Variants in ITPR2 observed in about 807,000 individuals in gnomAD.
ITPR2 encodes the protein inositol 1,4,5-trisphosphate receptor type 2, also known as inositol 1,4,5-trisphosphate-gated calcium channel ITPR2.
A neutral mutation model predicts 317.1 loss-of-function variants in ITPR2; 207 were observed. The observed-to-expected ratio is 0.65, with a 90% CI of 0.58 to 0.73. ITPR2 has a LOEUF of 0.73. Ranked by LOEUF, ITPR2 falls within the 30% of genes least tolerant of loss-of-function variation. The probability of loss-of-function intolerance (pLI) is 0.00; values close to 1 mark genes in which losing one functional copy is unlikely to be tolerated. For synonymous variants in ITPR2, 1,156 were observed against 1,149.1 expected, an observed-to-expected ratio of 1.01 and a Z score of -0.12; for missense variants, 2,613 against 3,284.0, an observed-to-expected ratio of 0.80 and a Z score of 4.99.
At chr12:26,690,436 C>A (rs899312041) in intron 10 of ITPR2, among the ~76,000 whole-genome samples, 7 of 152,086 alleles carry the variant, frequency 4.6e-5, no homozygotes, top group African/African-American at 1.7e-4. Context: ...TCTCCTGCAC[C>A]CCAATATTCT....
intron 13 of ITPR2, among the ~76,000 whole-genome samples, chr12:26,669,707 G>A (rs986273931): frequency 6.7e-6 from 1 of 150,350 alleles, no homozygotes; most frequent in African/African-American, 2.4e-5. Context: ...CAGGTCAGTG[G>A]GTGCAGCGCA....
intron 37 of ITPR2, among the ~76,000 whole-genome samples, chr12:26,524,249 T>C (rs2136945749): frequency 6.6e-6 from 1 of 152,340 alleles, no homozygotes; most frequent in East Asian, 1.9e-4. Flanking sequence ...GTGGGAATGA[T>C]ACATTTCAGA....
intron 51 of ITPR2, among the ~76,000 whole-genome samples, chr12:26,414,119 C>T (rs190897482): frequency 6.6e-6 from 1 of 150,620 alleles, no homozygotes; most frequent in African/African-American, 2.4e-5. Context: ...ACCTGTAAAA[C>T]TCTGGGAAAA....
At chr12:26,618,108 T>C (rs1186054414) in intron 26 of ITPR2, among the ~76,000 whole-genome samples, 1 of 152,168 alleles carries the variant, frequency 6.6e-6, no homozygotes, top group Non-Finnish European at 1.5e-5. Flanking sequence ...CCATAAAGGG[T>C]ATCTATAAAA....
At position 26,726,969 on chromosome 12, in the gene ITPR2, A is replaced by C. The variant is rs1313770152; in HGVS notation, c.164-1204T>G. On this transcript the variant is annotated intron_variant, in intron 2 of 56. Coordinates refer to ENST00000381340, the MANE Select transcript of ITPR2 (RefSeq NM_002223.4). ...GACAAGGTAATAGTAAACTAATCTT[A>C]ATTTCTAGTTTAAAGGGTACTGATA... Among the ~76,000 whole-genome samples, 5 of 152,290 alleles carry C rather than the reference A, an allele frequency of 3.3e-5. No homozygotes were observed. In the East Asian group the frequency reaches 9.7e-4, roughly 29 times the overall value.
At chr12:26,558,957 A>C (rs1414497027) in intron 35 of ITPR2, among the ~76,000 whole-genome samples, 9 of 152,208 alleles carry the variant, frequency 5.9e-5, no homozygotes. Context: ...CAATCATATC[A>C]AAACCAGAGT....
chr12:26,736,077 A>C (rs1352941090), intron 2 of ITPR2, among the ~76,000 whole-genome samples: 1 of 152,212 alleles, frequency 6.6e-6, no homozygotes, highest in African/African-American at 2.4e-5. Context: ...AGTTCCTGCC[A>C]AGTTACCTGA....
At chr12:26,422,771 T>C (rs528280127) in intron 49 of ITPR2, among the ~76,000 whole-genome samples, 1 of 152,336 alleles carries the variant, frequency 6.6e-6, no homozygotes, top group East Asian at 1.9e-4. Context: ...AAACATGACC[T>C]ATTTTACAGG....
At chr12:26,431,565 C>A (rs1941209815) in intron 48 of ITPR2, among the ~76,000 whole-genome samples, 1 of 152,178 alleles carries the variant, frequency 6.6e-6, no homozygotes, top group Non-Finnish European at 1.5e-5. Context: ...TACTCCTGAA[C>A]AAATTGAAAC....
chr12:26,627,629 A>G (rs1022402893), intron 23 of ITPR2, among the ~76,000 whole-genome samples: 5 of 152,176 alleles, frequency 3.3e-5, no homozygotes, highest in African/African-American at 1.2e-4. Context: ...TTTGTCTCGT[A>G]AAAATATGAG....
At chr12:26,551,942 C>T (rs1170183226) in intron 36 of ITPR2, among the ~76,000 whole-genome samples, 1 of 152,208 alleles carries the variant, frequency 6.6e-6, no homozygotes, top group Non-Finnish European at 1.5e-5. Context: ...AACCACTGTT[C>T]TAAAGCACCT....
intron 37 of ITPR2, among the ~76,000 whole-genome samples, chr12:26,512,472 C>A (rs945398263): frequency 1.3e-5 from 2 of 152,170 alleles, no homozygotes; most frequent in African/African-American, 2.4e-5. Context: ...TCTCTACCCA[C>A]CCCCCACATG....
At position 26,802,324 on chromosome 12, in the gene ITPR2, A is replaced by T. The variant is rs1950569088; in HGVS notation, c.93-12097T>A. ...TAAAAAAAAAATAAAAATAATTTTT[A>T]AAAAAGAAAAGTATAGTAGCAGTGA... On this transcript the variant is annotated intron_variant, in intron 1 of 56. Transcript: ENST00000381340. Among the ~76,000 whole-genome samples, 9 of 152,196 alleles carry T rather than the reference A, an allele frequency of 5.9e-5. No homozygotes were observed. The South Asian group carries it at 1.9e-3, about 32-fold the overall frequency.
rs1010984586 is a variant in ITPR2 at position 26,667,176 on chromosome 12, A to G, written c.1410-1125T>C. Among the ~76,000 whole-genome samples, 5 of 152,334 alleles carry G rather than the reference A, an allele frequency of 3.3e-5. No individual in the cohort carries two copies. The South Asian group carries it at 1.0e-3, about 32-fold the overall frequency. ...AAACTACATTTTAAGAGCTTCAACA[A>G]TTCCAGGAAAGTATAGAATGTATTC... On this transcript the variant is annotated intron_variant, in intron 13 of 56. Coordinates refer to ENST00000381340, the MANE Select transcript of ITPR2 (RefSeq NM_002223.4).
At chr12:26,413,845 TG>T (rs1197554117) in intron 51 of ITPR2, among the ~76,000 whole-genome samples, 1 of 152,168 alleles carries the variant, frequency 6.6e-6, no homozygotes, top group Non-Finnish European at 1.5e-5. Flanking sequence ...CATAACACAA[TG>T]ATAACCAAGT....
chr12:26,716,775 C>T (rs1948746552), intron 5 of ITPR2, among the ~76,000 whole-genome samples: 1 of 152,058 alleles, frequency 6.6e-6, no homozygotes, highest in African/African-American at 2.4e-5. Flanking sequence ...TAGGTATGAC[C>T]TTGTAGAAAT....
rs530580864 is a variant in ITPR2 at position 26,670,751 on chromosome 12, C to T, written c.1410-4700G>A. 3.5e-3 allele frequency among the ~76,000 whole-genome samples: 536 copies of T among 152,192 alleles called. 7 individuals carry two copies. The highest frequency in any genetic ancestry group is 4.9e-3 in the Non-Finnish European group (331 of 67,988). On this transcript the variant is annotated intron_variant, in intron 13 of 56. Transcript: ENST00000381340. ...AAGGCTTCAGACGATCAAACTACTCCGAGCTACAGGAGGAAATTCAAACCA... is the reference window on the plus strand; with the variant it reads ...AAGGCTTCAGACGATCAAACTACTCTGAGCTACAGGAGGAAATTCAAACCA...
intron 55 of ITPR2, among the ~76,000 whole-genome samples, chr12:26,376,822 G>A (rs985438125): frequency 6.6e-6 from 1 of 151,304 alleles, no homozygotes; most frequent in African/African-American, 2.4e-5. Flanking sequence ...TCCACTTCCT[G>A]TTCTCAGGCA....
At chr12:26,377,749 A>T (rs984159204) in intron 55 of ITPR2, among the ~76,000 whole-genome samples, 3 of 152,248 alleles carry the variant, frequency 2.0e-5, no homozygotes, top group African/African-American at 7.2e-5. Context: ...ACCTGGGATG[A>T]CTAACATTTT....
Sources: allele counts gnomAD v4.1 joint callset (sites outside exome capture counted in the v4.1 genomes callset), GRCh38; gene constraint gnomAD v4.1.1; transcripts MANE v1.5; gene names NCBI Gene and HGNC (gene_info 2026-07-23, HGNC 2026-07-21).